The following ELAVL2 variants were observed in gnomAD, a reference collection of about 807,000 sequenced individuals.
ELAVL2 encodes the protein ELAV-like protein 2.
ELAVL2 carries 4 observed loss-of-function variants against 34.6 expected under a neutral mutation model. The observed-to-expected ratio is 0.12, with a 90% CI of 0.06 to 0.26. The LOEUF (loss-of-function observed/expected upper bound fraction) is 0.26. Ranked by LOEUF, ELAVL2 falls within the 10% of genes least tolerant of loss-of-function variation. The pLI, the probability that ELAVL2 is intolerant of heterozygous loss-of-function variation, is 1.00. For missense variants in ELAVL2, 432 were observed against 442.8 expected, an observed-to-expected ratio of 0.98 and a Z score of 0.22; for synonymous variants, 193 against 154.8, an observed-to-expected ratio of 1.25 and a Z score of -1.83.
intron 1 of ELAVL2, among the ~76,000 whole-genome samples, chr9:23,787,151 T>C (rs749434019): frequency 1.5e-4 from 23 of 152,150 alleles, no homozygotes; most frequent in Non-Finnish European, 2.9e-4. Context: ...CAGGGTAGGA[T>C]GACAGCTATT....
chr9:23,827,499 C>G (rs1588886143), upstream of ELAVL2, among the ~76,000 whole-genome samples: 1 of 152,184 alleles, frequency 6.6e-6, no homozygotes, highest in East Asian at 1.9e-4. Flanking sequence ...AAAGATAGCA[C>G]CAACTTCCTA....
At chr9:23,818,424 C>T (rs1245073950) in intron 1 of ELAVL2, among the ~76,000 whole-genome samples, 2 of 152,162 alleles carry the variant, frequency 1.3e-5, no homozygotes, top group Admixed American at 1.3e-4. Flanking sequence ...ATACCGGTTA[C>T]AAGCTGGAAA....
At chr9:23,767,964 G>T (rs36103715) in intron 1 of ELAVL2, among the ~76,000 whole-genome samples, 5,199 of 152,118 alleles carry the variant, frequency 0.034, 94 homozygotes, top group East Asian at 0.074. Flanking sequence ...GTGAGGCTGC[G>T]CCTGTTGCTC....
upstream of ELAVL2, among the ~76,000 whole-genome samples, chr9:23,830,856 C>G (rs1056993016): frequency 6.6e-6 from 1 of 151,800 alleles, no homozygotes; most frequent in East Asian, 1.9e-4. Flanking sequence ...CACGTTTTTC[C>G]TGAGCATAAA....
the ELAVL2 span, among the ~76,000 whole-genome samples, chr9:23,836,427 C>T: frequency 6.6e-6 from 1 of 152,034 alleles, no homozygotes; most frequent in African/African-American, 2.4e-5. Flanking sequence ...TATGTCAGTG[C>T]TTATTATTTA....
chr9:23,813,139 T>A (rs1055112871), intron 1 of ELAVL2, among the ~76,000 whole-genome samples: 4 of 152,186 alleles, frequency 2.6e-5, no homozygotes, highest in African/African-American at 9.7e-5. Flanking sequence ...CTATTCAAAT[T>A]GTGCTATTAT....
chr9:23,754,673 G>A (rs1312672188), intron 2 of ELAVL2, among the ~76,000 whole-genome samples: 2 of 152,208 alleles, frequency 1.3e-5, no homozygotes, highest in African/African-American at 2.4e-5. Flanking sequence ...TGTTGGCCAT[G>A]GTTGGTCTTG....
chr9:23,818,348 T>C (rs1454715948), intron 1 of ELAVL2, among the ~76,000 whole-genome samples: 1 of 152,120 alleles, frequency 6.6e-6, no homozygotes, highest in Non-Finnish European at 1.5e-5. Flanking sequence ...CAGTGCAAGA[T>C]GAAAATGCAG....
upstream of ELAVL2, among the ~76,000 whole-genome samples, chr9:23,826,990 C>T (rs1201027226): frequency 6.6e-6 from 1 of 152,162 alleles, no homozygotes; most frequent in Non-Finnish European, 1.5e-5. Flanking sequence ...TCAAATAAAG[C>T]TGCACGGTTT....
intron 1 of ELAVL2, among the ~76,000 whole-genome samples, chr9:23,817,240 G>A (rs1488189476): frequency 2.0e-5 from 3 of 148,464 alleles, no homozygotes; most frequent in African/African-American, 7.3e-5. Context: ...GAAACTGCAA[G>A]TTTATTTAAA....
At chr9:23,706,054 T>A (rs2039239056) in intron 3 of ELAVL2, among the ~76,000 whole-genome samples, 1 of 152,230 alleles carries the variant, frequency 6.6e-6, no homozygotes, top group African/African-American at 2.4e-5. Flanking sequence ...GAAATTTGAA[T>A]GTGTGAACAA....
intron 5 of ELAVL2, 27 bp downstream of exon 5, chr9:23,701,352 T>A (rs201944963): frequency 2.5e-4 from 402 of 1,610,036 alleles, no homozygotes; most frequent in Non-Finnish European, 3.2e-4. Context: ...GTTTAGTAGC[T>A]GGGCACAAGA....
intron 1 of ELAVL2, among the ~76,000 whole-genome samples, chr9:23,811,332 A>AG (rs111708052): frequency 9.6e-6 from 1 of 104,322 alleles, no homozygotes; most frequent in Admixed American, 1.1e-4. Context: ...CCTTTCAAGG[A>AG]AAAAAAAAAA....
chr9:23,722,661 A>G (rs1242803627), intron 3 of ELAVL2, among the ~76,000 whole-genome samples: 1 of 152,252 alleles, frequency 6.6e-6, no homozygotes, highest in African/African-American at 2.4e-5. Flanking sequence ...AGAAAACAAC[A>G]AAAGCTACGG....
At chr9:23,782,113 G>T (rs2059146844) in intron 1 of ELAVL2, among the ~76,000 whole-genome samples, 1 of 152,104 alleles carries the variant, frequency 6.6e-6, no homozygotes, top group Admixed American at 6.5e-5. Flanking sequence ...GAGCCACCAT[G>T]CCCGACCAAG....
chr9:23,727,934 C>T (rs1056286714), intron 3 of ELAVL2, among the ~76,000 whole-genome samples: 4 of 152,034 alleles, frequency 2.6e-5, no homozygotes, highest in Non-Finnish European at 5.9e-5. Context: ...GGAATTTTAC[C>T]AAACGCATAC....
chr9:23,761,630 A>AT (rs963234571), intron 2 of ELAVL2, among the ~76,000 whole-genome samples: 1 of 151,952 alleles, frequency 6.6e-6, no homozygotes, highest in African/African-American at 2.4e-5. Context: ...ACATTTTAAG[A>AT]TTTTTTCCCC....
chr9:23,729,812 AC>A (rs969020392), intron 3 of ELAVL2, among the ~76,000 whole-genome samples: 18 of 152,064 alleles, frequency 1.2e-4, no homozygotes. Flanking sequence ...CTAATAAATT[AC>A]CTTAACTGGT....
At chr9:23,719,703 C>G (rs543944512) in intron 3 of ELAVL2, among the ~76,000 whole-genome samples, 1 of 152,124 alleles carries the variant, frequency 6.6e-6, no homozygotes, top group Non-Finnish European at 1.5e-5. Flanking sequence ...AGAGCAAATT[C>G]CCATTTATTG....
Sources: allele counts gnomAD v4.1 joint callset (sites outside exome capture counted in the v4.1 genomes callset), GRCh38; gene constraint gnomAD v4.1.1; transcripts MANE v1.5; gene names NCBI Gene and HGNC (gene_info 2026-07-23, HGNC 2026-07-21).